The following SERPINF2 variants were observed in gnomAD, a reference collection of about 807,000 sequenced individuals.
SERPINF2 encodes the protein serpin family F member 2.
Under a neutral mutation model 45.0 loss-of-function variants are expected in SERPINF2, and 15 were observed. The observed-to-expected ratio is 0.33, with a 90% CI of 0.22 to 0.51. The LOEUF is 0.51. SERPINF2 is among the 20% of genes least tolerant of loss of function. SERPINF2 has a pLI of 0.97. For missense variants in SERPINF2, 518 were observed against 637.4 expected (o/e 0.81, Z 2.02); for synonymous variants, 283 against 277.9 (o/e 1.02, Z -0.18).
chr17:1,749,253 C>T (rs758034767), intron 8 of SERPINF2, among the ~76,000 whole-genome samples: 9 of 152,144 alleles, frequency 5.9e-5, no homozygotes, highest in Non-Finnish European at 1.0e-4. Flanking sequence ...TTTGAAACCC[C>T]GTTTCTACTA....
In SERPINF2 at chr17:1,754,539, C is replaced by G. The variant is rs1210009343; in HGVS notation, c.*5C>G. Reference sequence around the variant, plus strand: ...CAGTTTGGCAGCCCCAAGTGAGGGGCCGTGGCTGTGGCATCCAGAGTCCCT... The same window carrying G: ...CAGTTTGGCAGCCCCAAGTGAGGGGGCGTGGCTGTGGCATCCAGAGTCCCT... On this transcript the variant is annotated 3_prime_UTR_variant, in exon 10 of 10. Transcript: ENST00000453066. 4.4e-6 allele frequency: 7 copies of G among 1,605,756 alleles called. No homozygotes were observed. The highest frequency in any genetic ancestry group is 5.9e-6 in the Non-Finnish European group (7 of 1,179,148).
rs567679510 is a variant in SERPINF2 at position 1,749,390 on chromosome 17, G to T, written c.858+650G>T. On this transcript the variant is annotated intron_variant, in intron 8 of 9. Transcript: ENST00000453066. ...CAGTGAGCTGTGATTTTGAGGTCAG[G>T]AGTTCGAGACCAGCCTGACCAACAT... 4.6e-5 allele frequency among the ~76,000 whole-genome samples: 7 copies of T among 152,192 alleles called. No individual in the cohort carries two copies. In the East Asian group the frequency reaches 1.4e-3, roughly 29 times the overall value.
chr17:1,749,694 C>T (rs1646010332), intron 8 of SERPINF2, among the ~76,000 whole-genome samples: 1 of 152,182 alleles, frequency 6.6e-6, no homozygotes, highest in African/African-American at 2.4e-5. Context: ...GCCACCAGGC[C>T]TGGCCTTATT....
At chr17:1,744,094 C>T (rs995104600) in intron 1 of SERPINF2, among the ~76,000 whole-genome samples, 2 of 151,496 alleles carry the variant, frequency 1.3e-5, no homozygotes, top group Admixed American at 1.3e-4. Context: ...GGGGTTTTAC[C>T]ATGTTGGCCA....
intron 8 of SERPINF2, among the ~76,000 whole-genome samples, chr17:1,750,477 C>T (rs1376696633): frequency 1.3e-5 from 2 of 151,386 alleles, no homozygotes; most frequent in Admixed American, 1.3e-4. Context: ...TTAGTAGAGA[C>T]AGGTTTCACC....
chr17:1,753,072 T>C (rs1410025264), intron 9 of SERPINF2, among the ~76,000 whole-genome samples: 1 of 152,180 alleles, frequency 6.6e-6, no homozygotes, highest in Non-Finnish European at 1.5e-5. Flanking sequence ...CCTCGCTGGC[T>C]TCCCTGGAAG....
rs1185671911 is a variant in SERPINF2 at position 1,745,432 on chromosome 17, C to A, written c.165+37C>A. 1 of 1,141,140 alleles carries A rather than the reference C, an allele frequency of 8.8e-7. No homozygotes were observed. Among genetic ancestry groups the A allele is most frequent in the South Asian group, 1.7e-5 (1 of 59,780 alleles). 70.7% of individuals were successfully genotyped at this position (1,141,140 alleles called of 1,614,324 possible). The stretch of plus-strand genomic sequence containing the variant: ...TGGGGCTGGGGAAGAGTGGGCGGGG[C>A]TAGAGGGAGGAGGGCCCATCGGCAG... On this transcript the variant is annotated intron_variant, in intron 4 of 9. Transcript: ENST00000453066. The surrounding 1 kb of genome is among the most constrained non-coding windows in gnomAD (Gnocchi z 6.2).
chr17:1,748,750 G>C lies in SERPINF2; in HGVS notation c.858+10G>C, dbSNP rs766000008. On this transcript the variant is annotated intron_variant, in intron 8 of 9. Transcript: ENST00000453066. ...GCAGCCTGAGATCCAGGTCACCCTT[G>C]GTTGTCCAGCAGGCTGGGCCTGAGG... is the stretch of plus-strand genomic sequence containing the variant. 1.5e-6 allele frequency: 2 copies of C among 1,348,468 alleles called. No homozygotes were observed. The highest frequency in any genetic ancestry group is 1.4e-5 in the African/African-American group (1 of 69,858). The allele number at this position is 1,348,468 out of a possible 1,614,324, so 83.5% of individuals were successfully genotyped here.
At chr17:1,751,952 C>T (rs1023550825) in intron 8 of SERPINF2, among the ~76,000 whole-genome samples, 2 of 138,780 alleles carry the variant, frequency 1.4e-5, no homozygotes, top group African/African-American at 2.5e-5. Flanking sequence ...ACAGGCGATT[C>T]CTTACGCCGG....
intron 1 of SERPINF2, chr17:1,744,622 T>C (rs1905622758): frequency 1.8e-5 from 18 of 985,288 alleles, no homozygotes; most frequent in Non-Finnish European, 2.2e-5. Flanking sequence ...TTACGGGAAA[T>C]GCCGAGGTCC....
chr17:1,747,542 C>T lies in SERPINF2; in HGVS notation c.715+30C>T, dbSNP rs202133429. On this transcript the variant is annotated intron_variant, in intron 7 of 9. Transcript: ENST00000453066. Reference sequence around the variant, plus strand: ...GCTCCTCCTCCTCTCAGATCCCCCACCCTGTAGGCTGAGCTGGGACGTGCA... The same window carrying T: ...GCTCCTCCTCCTCTCAGATCCCCCATCCTGTAGGCTGAGCTGGGACGTGCA... 1.6e-5 allele frequency: 26 copies of T among 1,606,600 alleles called. No individual in the cohort carries two copies. The East Asian group carries it at 5.4e-4, about 33-fold the overall frequency.
Position 1,754,430 on chromosome 17 carries a change from C to A in SERPINF2, c.1372C>A (p.Gln458Lys), listed in dbSNP as rs1261503198. ...TTCCCCGGGCAACAAGGACTTCCTC[C>A]AGAGCCTGAAAGGCTTCCCCCGCGG... is the stretch of plus-strand genomic sequence containing the variant. ...QDSPGNKDFLQSLKGFPRGDK... is the reference protein window; with the variant it reads ...QDSPGNKDFLKSLKGFPRGDK... The change falls in exon 10 of 10, where the codon CAG (glutamine) becomes AAG (lysine). Residue 458 changes from glutamine (Q) to lysine (K), a missense_variant. Gln to Lys is a moderately conservative substitution (Grantham distance 53). Around this residue, in one of 2 missense-constraint regions of SERPINF2, gnomAD observed 83 missense variants for 60.0 expected, o/e 1.38. Coordinates refer to ENST00000453066, the MANE Select transcript of SERPINF2 (RefSeq NM_000934.4). 6.2e-7 allele frequency: 1 copy of A among 1,612,158 alleles called. No individual in the cohort carries two copies. Among genetic ancestry groups the A allele is most frequent in the African/African-American group, 1.3e-5 (1 of 74,918 alleles).
rs573460268 is a variant in SERPINF2, at chr17:1,744,883, C to T, written c.-4-109C>T. On this transcript the variant is annotated intron_variant, in intron 1 of 9. Coordinates refer to ENST00000453066, the MANE Select transcript of SERPINF2 (RefSeq NM_000934.4). Reference sequence around the variant, plus strand: ...CTGATTCTGGAGCCTGCTTCTTCCCCTTGGCAATCATGACCCAGGACTTGG... The same window carrying T: ...CTGATTCTGGAGCCTGCTTCTTCCCTTTGGCAATCATGACCCAGGACTTGG... 6.3e-6 allele frequency: 10 copies of T among 1,584,676 alleles called. No individual in the cohort carries two copies. The East Asian group carries it at 1.1e-4, about 18-fold the overall frequency.
In SERPINF2 at chr17:1,754,888, G is replaced by A. The variant is rs1479193516; in HGVS notation, c.*354G>A. 1 of 369,016 alleles carries A rather than the reference G, an allele frequency of 2.7e-6. No homozygotes were observed. The allele number at this position is 369,016 out of a possible 1,614,324, so 22.9% of individuals were successfully genotyped here. Reference sequence around the variant, plus strand: ...CTTTTGTTTACCAGAGAAAAAGGGAGGGGGAGAGGGCTGCCTTTGGACTTG... The same window carrying A: ...CTTTTGTTTACCAGAGAAAAAGGGAAGGGGAGAGGGCTGCCTTTGGACTTG... On this transcript the variant is annotated 3_prime_UTR_variant, in exon 10 of 10. Coordinates refer to ENST00000453066, the MANE Select transcript of SERPINF2 (RefSeq NM_000934.4).
chr17:1,742,891 A>C lies in SERPINF2; in HGVS notation c.-22A>C. 1.0e-6 allele frequency: 1 copy of C among 985,272 alleles called. No individual in the cohort carries two copies. Among genetic ancestry groups the C allele is most frequent in the Non-Finnish European group, 1.2e-6 (1 of 830,018 alleles). The allele number at this position is 985,272 out of a possible 1,614,324, so 61.0% of individuals were successfully genotyped here. On this transcript the variant is annotated 5_prime_UTR_variant, in exon 1 of 10. Coordinates refer to ENST00000453066, the MANE Select transcript of SERPINF2 (RefSeq NM_000934.4). ...GGGCCAGAGGAACGTTGTGTGTGGC[A>C]GCAAGGAGCCCGCAGAGGTATGAGG...
intron 7 of SERPINF2, among the ~76,000 whole-genome samples, chr17:1,748,177 T>C (rs1307974339): frequency 3.3e-5 from 5 of 151,814 alleles, no homozygotes; most frequent in African/African-American, 1.2e-4. Flanking sequence ...GGCGGGCACC[T>C]GTAGTCCCAG....
chr17:1,744,233 C>T (rs1324569247), intron 1 of SERPINF2, among the ~76,000 whole-genome samples: 4 of 151,182 alleles, frequency 2.6e-5, no homozygotes, highest in African/African-American at 9.7e-5. Context: ...TGGCTCATGC[C>T]TGTAATCCCA....
rs567488309 is a variant in SERPINF2 at position 1,755,060 on chromosome 17, T to C, written c.*526T>C. 2.7e-3 allele frequency: 423 copies of C among 159,588 alleles called. 3 individuals are homozygous for C. Among genetic ancestry groups the C allele is most frequent in the South Asian group, 5.5e-3 (29 of 5,236 alleles). 9.9% of individuals were successfully genotyped at this position (159,588 alleles called of 1,614,324 possible). A position where few individuals can be genotyped will look rare whatever the true frequency, so the allele number is the denominator to read the frequency against. Reference sequence around the variant, plus strand: ...GCCGAGAGTCCATCAGCCTCCATCCTACCCCCTGTGCCTTGTCACGCCAGA... The same window carrying C: ...GCCGAGAGTCCATCAGCCTCCATCCCACCCCCTGTGCCTTGTCACGCCAGA... On this transcript the variant is annotated 3_prime_UTR_variant, in exon 10 of 10. Transcript: ENST00000453066. This position sits in a 1 kb window ranked among gnomAD's most constrained non-coding sequence, Gnocchi z 4.2.
chr17:1,743,128 CG>C (rs1905444535), intron 1 of SERPINF2: 7 of 700,310 alleles, frequency 1.0e-5, no homozygotes, highest in Non-Finnish European at 1.2e-5. Context: ...GGGGTGGGGC[CG>C]GGGGGACCAA....
Sources: gnomAD v4.1 joint callset for allele counts (sites outside exome capture counted in the v4.1 genomes callset) on GRCh38, gnomAD v4.1.1 for gene constraint, gnomAD v4.1.1 regional missense constraint, Gnocchi (gnomAD v3.1) non-coding constraint, MANE v1.5 for transcripts, NCBI Gene and HGNC (gene_info 2026-07-23, HGNC 2026-07-21) for gene names.